Variants in PRKCQ observed in about 807,000 individuals in gnomAD.
PRKCQ encodes protein kinase C theta type.
PRKCQ carries 41 observed loss-of-function variants against 91.2 expected under a neutral mutation model. That is an observed-to-expected ratio of 0.45 (90% confidence interval 0.35 to 0.58). The LOEUF (loss-of-function observed/expected upper bound fraction) is 0.58. Ranked by LOEUF, PRKCQ falls within the 20% of genes least tolerant of loss-of-function variation. The probability of loss-of-function intolerance (pLI) is 0.00; values close to 1 mark genes in which losing one functional copy is unlikely to be tolerated. For synonymous variants in PRKCQ, 307 were observed against 316.9 expected (o/e 0.97, Z 0.33); for missense variants, 673 against 896.5 (o/e 0.75, Z 3.18).
chr10:6,498,155 C>G (rs183091791), intron 5 of PRKCQ, among the ~76,000 whole-genome samples: 1 of 152,016 alleles, frequency 6.6e-6, no homozygotes, highest in East Asian at 1.9e-4. Flanking sequence ...ATAGCCCCCC[C>G]ATTGAGGCAG....
At chr10:6,515,476 GTCT>G in intron 1 of PRKCQ, 1 of 985,378 alleles carries the variant, frequency 1.0e-6, no homozygotes, top group Non-Finnish European at 1.2e-6. Flanking sequence ...AATATTTTAT[GTCT>G]TCTGTTATTC....
At chr10:6,521,940 T>TATTTATTC (rs1564371839) in intron 1 of PRKCQ, among the ~76,000 whole-genome samples, 2 of 151,802 alleles carry the variant, frequency 1.3e-5, no homozygotes, top group African/African-American at 2.4e-5. Context: ...TTTATTTATT[T>TATTTATTC]ATTTATTTAT....
intron 1 of PRKCQ, among the ~76,000 whole-genome samples, chr10:6,545,373 G>A (rs1008332938): frequency 6.6e-6 from 1 of 152,260 alleles, no homozygotes; most frequent in Admixed American, 6.5e-5. Flanking sequence ...GGCAATGGAG[G>A]CTTTCAAAGG....
rs1057354910 is a variant in PRKCQ, at chr10:6,428,102, A to G, written c.*105T>C. 3.4e-5 allele frequency: 48 copies of G among 1,427,894 alleles called. No homozygotes were observed. In the African/African-American group the frequency reaches 6.6e-4, roughly 20 times the overall value. The allele number at this position is 1,427,894 out of a possible 1,614,324, so 88.5% of individuals were successfully genotyped here. A position where few individuals can be genotyped will look rare whatever the true frequency, so the allele number is the denominator to read the frequency against. Reference sequence around the variant, plus strand: ...GAACGGGTCTCAGTCTTTATTGTTGAGTGTTTCTTTCTTTTTCCAAGTTGA... The same window carrying G: ...GAACGGGTCTCAGTCTTTATTGTTGGGTGTTTCTTTCTTTTTCCAAGTTGA... On this transcript the variant is annotated 3_prime_UTR_variant, in exon 18 of 18. Transcript: ENST00000263125.
At chr10:6,499,959 G>T (rs987248716) in intron 4 of PRKCQ, among the ~76,000 whole-genome samples, 3 of 152,230 alleles carry the variant, frequency 2.0e-5, no homozygotes, top group Non-Finnish European at 2.9e-5. Flanking sequence ...AGTGTCCGCA[G>T]ATTTGTTTTA....
intron 14 of PRKCQ, among the ~76,000 whole-genome samples, chr10:6,459,615 T>C (rs772314607): frequency 1.3e-5 from 2 of 152,232 alleles, no homozygotes; most frequent in East Asian, 1.9e-4. Context: ...GGTGAGATTA[T>C]CCTTGATTAT....
At chr10:6,415,212 C>T in the PRKCQ span, among the ~76,000 whole-genome samples, 8 of 151,622 alleles carry the variant, frequency 5.3e-5, no homozygotes, top group Non-Finnish European at 1.0e-4. Context: ...ATCCACCCGC[C>T]TCGGCCTCCC....
chr10:6,438,067 G>A (rs1338189407), intron 16 of PRKCQ, among the ~76,000 whole-genome samples: 4 of 152,234 alleles, frequency 2.6e-5, no homozygotes, highest in South Asian at 2.1e-4. Context: ...TGATTGTTGA[G>A]GGAGTTTTCT....
At chr10:6,537,302 A>C (rs981574914) in intron 1 of PRKCQ, among the ~76,000 whole-genome samples, 1 of 152,204 alleles carries the variant, frequency 6.6e-6, no homozygotes, top group Non-Finnish European at 1.5e-5. Context: ...ATAAATGAGG[A>C]GGACTAACAA....
Position 6,430,345 on chromosome 10 carries a change from C to A in PRKCQ, c.1965+465G>T, listed in dbSNP as rs1207923663. On this transcript the variant is annotated intron_variant, in intron 17 of 17. Transcript: ENST00000263125. This position sits in a 1 kb window ranked among gnomAD's most constrained non-coding sequence, Gnocchi z 4.7. ...TAAACCAAAGAACACCTAACAATTA[C>A]CCTTAGGAAATGTCGTTATATGAGC... Among the ~76,000 whole-genome samples, 1 of 152,130 alleles carries A rather than the reference C, an allele frequency of 6.6e-6. No individual in the cohort carries two copies. Among genetic ancestry groups the A allele is most frequent in the Admixed American group, 6.5e-5 (1 of 15,272 alleles).
intron 2 of PRKCQ, chr10:6,512,143 G>A (rs1838508150): frequency 6.6e-6 from 1 of 152,220 alleles, no homozygotes; most frequent in South Asian, 2.1e-4. Context: ...GCTCCTTTAA[G>A]AAATATTTAC....
chr10:6,531,545 A>T (rs1839395502), intron 1 of PRKCQ, among the ~76,000 whole-genome samples: 1 of 151,618 alleles, frequency 6.6e-6, no homozygotes, highest in Admixed American at 6.6e-5. Flanking sequence ...GGCAATGCCG[A>T]GAATATCTCC....
At chr10:6,490,580 G>GAAAAACAAA (rs1238622117) in intron 8 of PRKCQ, among the ~76,000 whole-genome samples, 35 of 137,166 alleles carry the variant, frequency 2.6e-4, no homozygotes, top group South Asian at 2.4e-3. Context: ...AAAAAACAAA[G>GAAAAACAAA]AAAAACAAAA....
At chr10:6,417,998 G>A in the PRKCQ span, among the ~76,000 whole-genome samples, 13 of 152,214 alleles carry the variant, frequency 8.5e-5, no homozygotes, top group East Asian at 1.9e-4. Flanking sequence ...CCAGAGGCGC[G>A]CCTTCTTCCG....
chr10:6,406,316 CTTTT>C, the PRKCQ span, among the ~76,000 whole-genome samples: 1 of 143,338 alleles, frequency 7.0e-6, no homozygotes, highest in African/African-American at 2.5e-5. Context: ...AATCAAACTA[CTTTT>C]TTTTTTTTTT....
chr10:6,441,150 G>C (rs1269087393), intron 16 of PRKCQ, among the ~76,000 whole-genome samples: 2 of 152,120 alleles, frequency 1.3e-5, no homozygotes, highest in Non-Finnish European at 2.9e-5. Flanking sequence ...AGAGGCAGGG[G>C]AAGATGAACT....
chr10:6,499,881 G>C (rs1272058015), intron 4 of PRKCQ, among the ~76,000 whole-genome samples: 1 of 152,214 alleles, frequency 6.6e-6, no homozygotes, highest in Non-Finnish European at 1.5e-5. Flanking sequence ...GGAGCTGTGT[G>C]GGTAGAAACC....
rs147185017 is a variant in PRKCQ at position 6,465,571 on chromosome 10, C to T, written c.1354-1167G>A. Among the ~76,000 whole-genome samples, 1,033 of 152,310 alleles carry T rather than the reference C, an allele frequency of 6.8e-3. 8 individuals are homozygous for T. The highest frequency in any genetic ancestry group is 0.014 in the Admixed American group (211 of 15,300). ...GTAATCCATAAAGTGTGAGGACCTT[C>T]GGTGCGTCTGGGCATGAATTTGCAT... On this transcript the variant is annotated intron_variant, in intron 12 of 17. Coordinates refer to ENST00000263125, the MANE Select transcript of PRKCQ (RefSeq NM_006257.5). This position sits in a 1 kb window ranked among gnomAD's most constrained non-coding sequence, Gnocchi z 4.4.
At chr10:6,519,589 C>T (rs1838913461) in intron 1 of PRKCQ, among the ~76,000 whole-genome samples, 1 of 152,160 alleles carries the variant, frequency 6.6e-6, no homozygotes, top group African/African-American at 2.4e-5. Context: ...ACCAGGCTTC[C>T]AGGCATTCTT....
Sources: allele counts gnomAD v4.1 joint callset (sites outside exome capture counted in the v4.1 genomes callset), GRCh38; gene constraint gnomAD v4.1.1; non-coding constraint Gnocchi (gnomAD v3.1); transcripts MANE v1.5; gene names NCBI Gene and HGNC (gene_info 2026-07-23, HGNC 2026-07-21).